ATRNL1: variants seen among roughly 807,000 people sequenced by gnomAD.
ATRNL1 encodes the protein attractin-like protein 1.
In ATRNL1, 95 loss-of-function variants were observed where a neutral mutation model predicts 182.7. The ratio of observed to expected loss-of-function variants is 0.52; its 90% CI spans 0.44 to 0.62. ATRNL1 has a LOEUF of 0.62. Ranked by LOEUF, ATRNL1 falls within the 20% of genes least tolerant of loss-of-function variation. ATRNL1 has a pLI of 0.00. For missense variants in ATRNL1, 1,471 were observed against 1,679.5 expected, an observed-to-expected ratio of 0.88 and a Z score of 2.17; for synonymous variants, 576 against 568.3, an observed-to-expected ratio of 1.01 and a Z score of -0.19.
chr10:115,552,667 G>T (rs368486300), intron 26 of ATRNL1, among the ~76,000 whole-genome samples: 15 of 151,180 alleles, frequency 9.9e-5, no homozygotes, highest in East Asian at 5.8e-4. Context: ...AAATTCAGAG[G>T]ATAGTTAGTC....
chr10:115,664,166 G>T (rs1860865980), intron 26 of ATRNL1, among the ~76,000 whole-genome samples: 1 of 152,104 alleles, frequency 6.6e-6, no homozygotes, highest in African/African-American at 2.4e-5. Flanking sequence ...AGCTTCTGTG[G>T]CTGGCTTCTC....
chr10:115,765,037 G>T (rs3095134), intron 27 of ATRNL1, among the ~76,000 whole-genome samples: 144,578 of 152,152 alleles, frequency 0.95, 69,102 homozygotes, highest in East Asian at 1. Flanking sequence ...ATATCCCATT[G>T]TCTGGATATA....
At chr10:115,408,347 TA>T (rs1844962265) in intron 20 of ATRNL1, among the ~76,000 whole-genome samples, 1 of 152,186 alleles carries the variant, frequency 6.6e-6, no homozygotes. Flanking sequence ...CATTTTTTCA[TA>T]GGTTTGCTGG....
At chr10:115,700,121 C>G (rs1292221185) in intron 26 of ATRNL1, among the ~76,000 whole-genome samples, 1 of 152,122 alleles carries the variant, frequency 6.6e-6, no homozygotes, top group East Asian at 1.9e-4. Context: ...AATGTCTTTA[C>G]CATTGTGAAT....
intron 26 of ATRNL1, among the ~76,000 whole-genome samples, chr10:115,557,139 T>C (rs536173564): frequency 6.6e-6 from 1 of 152,310 alleles, no homozygotes; most frequent in Admixed American, 6.5e-5. Flanking sequence ...AGCTGATCAC[T>C]GTGCTTCTGT....
At chr10:115,825,198 G>A (rs565276706) in intron 27 of ATRNL1, among the ~76,000 whole-genome samples, 115 of 152,040 alleles carry the variant, frequency 7.6e-4, no homozygotes, top group Non-Finnish European at 1.2e-3. Context: ...ACCAAACATC[G>A]CATGTTCTCA....
intron 27 of ATRNL1, among the ~76,000 whole-genome samples, chr10:115,828,142 A>G (rs2134302863): frequency 6.6e-6 from 1 of 152,176 alleles, no homozygotes; most frequent in South Asian, 2.1e-4. Flanking sequence ...ACATGGAGAA[A>G]CCTTGTCTCT....
chr10:115,642,733 C>A (rs1223752606), intron 26 of ATRNL1, among the ~76,000 whole-genome samples: 1 of 152,208 alleles, frequency 6.6e-6, no homozygotes, highest in Non-Finnish European at 1.5e-5. Flanking sequence ...GCCTGAACCA[C>A]TGCGCCTGGC....
intron 27 of ATRNL1, among the ~76,000 whole-genome samples, chr10:115,847,010 CTATTAT>C (rs1310095032): frequency 5.9e-5 from 9 of 151,758 alleles, no homozygotes; most frequent in Non-Finnish European, 1.0e-4. Context: ...CTAGCTATTA[CTATTAT>C]TATTATTATA....
chr10:115,180,730 T>C lies in ATRNL1; in HGVS notation c.1348+9438T>C, dbSNP rs569658841. Among the ~76,000 whole-genome samples the C allele has an allele frequency of 4.9e-4, 74 of 152,070 alleles. No homozygotes were observed. In the South Asian group the frequency reaches 0.015, roughly 30 times the overall value. On this transcript the variant is annotated intron_variant, in intron 8 of 28. Coordinates refer to ENST00000355044, the MANE Select transcript of ATRNL1 (RefSeq NM_207303.4). ...CAGAAAGTATAGACCAAGGGTTTTA[T>C]GTCTTGCCAAATTGTACCTCAAGTG...
chr10:115,258,400 G>A (rs1348939276), intron 10 of ATRNL1, among the ~76,000 whole-genome samples: 1 of 151,834 alleles, frequency 6.6e-6, no homozygotes, highest in Admixed American at 6.6e-5. Flanking sequence ...CTACTTGATT[G>A]AATCAGCTAT....
At chr10:115,125,837 A>G (rs1395978903) in intron 3 of ATRNL1, among the ~76,000 whole-genome samples, 2 of 152,078 alleles carry the variant, frequency 1.3e-5, no homozygotes, top group Non-Finnish European at 2.9e-5. Flanking sequence ...AGCCCTTCAA[A>G]TCTTACCTCC....
chr10:115,823,029 T>G (rs1245745421), intron 27 of ATRNL1, among the ~76,000 whole-genome samples: 2 of 152,094 alleles, frequency 1.3e-5, no homozygotes, highest in African/African-American at 4.8e-5. Flanking sequence ...GCGAAAATCC[T>G]CCATAAAATA....
intron 26 of ATRNL1, among the ~76,000 whole-genome samples, chr10:115,602,689 C>G (rs1486753241): frequency 6.6e-6 from 1 of 152,058 alleles, no homozygotes; most frequent in Non-Finnish European, 1.5e-5. Context: ...CGGTGAAACC[C>G]CGTCTCTACT....
intron 27 of ATRNL1, among the ~76,000 whole-genome samples, chr10:115,799,983 G>A (rs1949753819): frequency 6.6e-6 from 1 of 152,056 alleles, no homozygotes; most frequent in African/African-American, 2.4e-5. Flanking sequence ...CACTTTGGGA[G>A]GCCGAGGCGG....
intron 27 of ATRNL1, among the ~76,000 whole-genome samples, chr10:115,773,421 G>T: frequency 6.6e-6 from 1 of 152,182 alleles, no homozygotes; most frequent in East Asian, 1.9e-4. Context: ...GGAAAATACG[G>T]TGTTTAAAAA....
chr10:115,762,280 C>T (rs1198350092), intron 27 of ATRNL1, among the ~76,000 whole-genome samples: 1 of 125,076 alleles, frequency 8.0e-6, no homozygotes, highest in African/African-American at 2.5e-5. Flanking sequence ...TTCCTCCTGG[C>T]TCAGACTGCA....
intron 25 of ATRNL1, among the ~76,000 whole-genome samples, chr10:115,545,421 C>T (rs992578949): frequency 2.0e-5 from 3 of 152,062 alleles, no homozygotes; most frequent in East Asian, 1.9e-4. Flanking sequence ...TTCTACGTCA[C>T]GTTAGCTCTT....
At chr10:115,274,081 G>T (rs1224237734) in intron 13 of ATRNL1, among the ~76,000 whole-genome samples, 1 of 152,164 alleles carries the variant, frequency 6.6e-6, no homozygotes, top group Non-Finnish European at 1.5e-5. Flanking sequence ...GTGATGTTTT[G>T]CTACAAAATC....
Sources: allele counts gnomAD v4.1 joint callset (sites outside exome capture counted in the v4.1 genomes callset), GRCh38; gene constraint gnomAD v4.1.1; transcripts MANE v1.5; gene names NCBI Gene and HGNC (gene_info 2026-07-23, HGNC 2026-07-21).